ZNF420: variants seen among roughly 807,000 people sequenced by gnomAD.
ZNF420 encodes ATM and p53-associated KZNF protein.
In ZNF420, 31 loss-of-function variants were observed where a neutral mutation model predicts 44.7. The observed-to-expected ratio is 0.69, with a 90% CI of 0.52 to 0.94. ZNF420 has a LOEUF of 0.94. ZNF420 is among the 40% of genes least tolerant of loss of function. The pLI is 0.00. For synonymous variants in ZNF420, 245 were observed against 267.4 expected (o/e 0.92, Z 0.82); for missense variants, 681 against 827.9 (o/e 0.82, Z 2.18).
chr19:37,015,829 G>A (rs1462650934), intron 1 of ZNF420, among the ~76,000 whole-genome samples: 1 of 152,186 alleles, frequency 6.6e-6, no homozygotes, highest in African/African-American at 2.4e-5. Flanking sequence ...CTTCCAGGTT[G>A]GGCCCTCATT....
At chr19:37,101,748 G>A (rs1007926769) in intron 4 of ZNF420, among the ~76,000 whole-genome samples, 15 of 152,250 alleles carry the variant, frequency 9.9e-5, no homozygotes, top group African/African-American at 3.1e-4. Flanking sequence ...TACTGGTGCT[G>A]TATGGGAGTC....
At chr19:37,077,019 A>G (rs543298089), upstream of ZNF420, among the ~76,000 whole-genome samples, 179 of 152,298 alleles carry the variant, frequency 1.2e-3, 1 homozygote, top group African/African-American at 3.9e-3. Context: ...TGTATTTGAT[A>G]TATGGTCTTG....
intron 4 of ZNF420, among the ~76,000 whole-genome samples, chr19:37,125,446 G>A (rs181998253): frequency 6.6e-6 from 1 of 152,202 alleles, no homozygotes; most frequent in Non-Finnish European, 1.5e-5. Flanking sequence ...GTTTCTATGT[G>A]TAAGGAAGTT....
At chr19:37,025,776 T>C (rs1392540992) in intron 1 of ZNF420, among the ~76,000 whole-genome samples, 1 of 147,870 alleles carries the variant, frequency 6.8e-6, no homozygotes, top group Non-Finnish European at 1.5e-5. Flanking sequence ...CTGTCTTTTT[T>C]TTTTTTTTTT....
intron 1 of ZNF420, among the ~76,000 whole-genome samples, chr19:37,017,254 G>A (rs573894965): frequency 6.6e-6 from 1 of 152,168 alleles, no homozygotes; most frequent in African/African-American, 2.4e-5. Flanking sequence ...AGTGAGAGTA[G>A]TCTTGTGGGA....
At chr19:37,050,795 C>G (rs1462120619) in intron 1 of ZNF420, among the ~76,000 whole-genome samples, 1 of 152,118 alleles carries the variant, frequency 6.6e-6, no homozygotes. Flanking sequence ...CTTGTGCCAG[C>G]TTTCAAAGGA....
intron 2 of ZNF420, among the ~76,000 whole-genome samples, chr19:37,081,477 G>A (rs1968452137): frequency 6.7e-6 from 1 of 149,964 alleles, no homozygotes; most frequent in African/African-American, 2.5e-5. Context: ...TTTTCTCCTT[G>A]TAGTTTCTTT....
intron 1 of ZNF420, among the ~76,000 whole-genome samples, chr19:37,045,550 G>C (rs1967528149): frequency 6.6e-6 from 1 of 152,194 alleles, no homozygotes; most frequent in African/African-American, 2.4e-5. Flanking sequence ...CTTTGTAGAG[G>C]AGCCTGGAGA....
chr19:37,052,525 C>T (rs140284341), intron 1 of ZNF420, among the ~76,000 whole-genome samples: 3,673 of 152,278 alleles, frequency 0.024, 158 homozygotes, highest in African/African-American at 0.083. Flanking sequence ...ATATTTAGTG[C>T]TTCCTTCACG....
chr19:37,083,257 A>G (rs1968572489), intron 2 of ZNF420, among the ~76,000 whole-genome samples: 1 of 147,280 alleles, frequency 6.8e-6, no homozygotes, highest in African/African-American at 2.5e-5. Context: ...GTTTTCCTTT[A>G]TGTGATGTTA....
intron 1 of ZNF420, among the ~76,000 whole-genome samples, chr19:37,011,525 G>A (rs1316223351): frequency 1.3e-5 from 2 of 152,182 alleles, no homozygotes; most frequent in Admixed American, 1.3e-4. Flanking sequence ...ATGGGAGGTT[G>A]TGTCGGGGCT....
intron 4 of ZNF420, among the ~76,000 whole-genome samples, chr19:37,094,184 A>AT (rs1298566293): frequency 6.6e-6 from 1 of 151,958 alleles, no homozygotes; most frequent in Non-Finnish European, 1.5e-5. Context: ...TTATCTGAGA[A>AT]TTTTTTTTAA....
At chr19:37,075,612 G>A (rs373056266), upstream of ZNF420, among the ~76,000 whole-genome samples, 1 of 151,944 alleles carries the variant, frequency 6.6e-6, no homozygotes, top group Admixed American at 6.6e-5. Context: ...CGTAGTGGCA[G>A]GCGCCTGTAA....
intron 4 of ZNF420, among the ~76,000 whole-genome samples, chr19:37,114,327 T>G (rs1970542312): frequency 6.6e-6 from 1 of 152,200 alleles, no homozygotes; most frequent in South Asian, 2.1e-4. Flanking sequence ...GAAGTTCGGC[T>G]GGCGGCCAGT....
chr19:37,104,603 C>T (rs1341090014), intron 4 of ZNF420, among the ~76,000 whole-genome samples: 2 of 152,228 alleles, frequency 1.3e-5, no homozygotes, highest in African/African-American at 4.8e-5. Context: ...GTCCCACCAA[C>T]AGTGTAAAAG....
intron 2 of ZNF420, among the ~76,000 whole-genome samples, chr19:37,081,700 A>ATTTTTTTT (rs35066350): frequency 6.7e-4 from 45 of 66,810 alleles, no homozygotes; most frequent in African/African-American, 9.2e-4. Flanking sequence ...TAATTTTTGT[A>ATTTTTTTT]TTTTTTTTTT....
At chr19:37,024,598 G>A (rs1400184925) in intron 1 of ZNF420, among the ~76,000 whole-genome samples, 4 of 151,994 alleles carry the variant, frequency 2.6e-5, no homozygotes, top group South Asian at 2.1e-4. Flanking sequence ...TAAAGGTGCC[G>A]TCACCACACC....
Position 37,127,425 on chromosome 19 carries a change from G to A in ZNF420, c.434G>A (p.Gly145Glu). 3 of 1,614,048 alleles carry A rather than the reference G, an allele frequency of 1.9e-6. No homozygotes were observed. The highest frequency in any genetic ancestry group is 1.7e-4 in the Middle Eastern group (1 of 6,060). ...TEKPYKCKEC[G>E]KAFRRASHLT... ...AAACCCTATAAATGTAAGGAATGTG[G>A]GAAAGCCTTCAGACGAGCCTCACAC... is the stretch of plus-strand genomic sequence containing the variant. The change falls in exon 5 of 5, where the codon GGG (glycine) becomes GAG (glutamate). Residue 145 changes from glycine to glutamate, a missense_variant. Transcript: ENST00000337995.
chr19:37,116,175 T>G (rs1376029018), intron 4 of ZNF420, among the ~76,000 whole-genome samples: 1 of 152,016 alleles, frequency 6.6e-6, no homozygotes, highest in Non-Finnish European at 1.5e-5. Flanking sequence ...AAGACCAGCT[T>G]GGCCAACATG....
Sources: gnomAD v4.1 joint callset for allele counts (sites outside exome capture counted in the v4.1 genomes callset) on GRCh38, gnomAD v4.1.1 for gene constraint, MANE v1.5 for transcripts, NCBI Gene and HGNC (gene_info 2026-07-23, HGNC 2026-07-21) for gene names.